Variants in CLCNKB observed in about 807,000 individuals in gnomAD.
CLCNKB encodes chloride voltage-gated channel Kb.
CLCNKB carries 74 observed loss-of-function variants against 83.8 expected under a neutral mutation model. The observed-to-expected ratio is 0.88, with a 90% CI of 0.73 to 1.07. The LOEUF is 1.07. CLCNKB is among the 50% of genes least tolerant of loss of function. The pLI is 0.00. For missense variants in CLCNKB, 798 were observed against 893.6 expected (o/e 0.89, Z 1.36); for synonymous variants, 358 against 356.6 (o/e 1.00, Z -0.04).
intron 15 of CLCNKB, among the ~76,000 whole-genome samples, chr1:16,053,116 A>T (rs542958121): frequency 6.6e-6 from 1 of 151,880 alleles, no homozygotes; most frequent in Non-Finnish European, 1.5e-5. Flanking sequence ...TGCAACCTCA[A>T]CCTCCCAGGT....
chr1:16,056,290 A>G (rs1362634764), intron 18 of CLCNKB, 132 bp from the exon 19 acceptor site: 2 of 950,112 alleles, frequency 2.1e-6, no homozygotes, highest in East Asian at 2.4e-5. Context: ...TGGACATTGC[A>G]GGCCTGGGTC....
intron 16 of CLCNKB, among the ~76,000 whole-genome samples, chr1:16,055,166 GGGGATCTCAGTGGTGGCCA>G (rs1246400723): frequency 6.6e-6 from 1 of 152,034 alleles, no homozygotes; most frequent in Non-Finnish European, 1.5e-5. Flanking sequence ...TTGCAATGTG[GGGGATCTCAGTGGTGGCCA>G]GGGTCCCTCC....
intron 8 of CLCNKB, 120 bp downstream of exon 8, chr1:16,049,365 T>G: frequency 6.5e-7 from 1 of 1,533,832 alleles, no homozygotes; most frequent in Non-Finnish European, 8.7e-7. Context: ...CTTTTTCCTC[T>G]TCCTTGTTCC....
intron 5 of CLCNKB, 84 bp downstream of exon 5, chr1:16,048,128 G>T (rs2023158370): frequency 5.2e-6 from 8 of 1,527,146 alleles, no homozygotes; most frequent in Non-Finnish European, 7.1e-6. Flanking sequence ...CGAAAGCTGC[G>T]TCAGAGGGGA....
chr1:16,050,427 C>T, intron 10 of CLCNKB, 89 bp from the exon 11 acceptor site: 1 of 1,414,982 alleles, frequency 7.1e-7, no homozygotes, highest in Non-Finnish European at 1.0e-6. Flanking sequence ...GCTCTTCCTC[C>T]CCAGTCCTTG....
At chr1:16,045,764 A>C in intron 3 of CLCNKB, 78 bp downstream of exon 3, 3 of 734,508 alleles carry the variant, frequency 4.1e-6, no homozygotes, top group African/African-American at 1.7e-5. Context: ...GGATGTCGCC[A>C]GGTGCAGCGG....
rs761809836 is a variant in CLCNKB, at chr1:16,048,621, G to A, written c.655+39G>A. The A allele has an allele frequency of 4.3e-6, 7 of 1,611,634 alleles. No homozygotes were observed. In the Admixed American group the frequency reaches 1.0e-4, roughly 23 times the overall value. ...ATGCCCCGCCCCCTGGGTCCCTCAAGCTCCTCCCCTCACACCCTGGGCTCC... is the reference window on the plus strand; with the variant it reads ...ATGCCCCGCCCCCTGGGTCCCTCAAACTCCTCCCCTCACACCCTGGGCTCC... On this transcript the variant is annotated intron_variant, in intron 7 of 19. Transcript: ENST00000375679.
chr1:16,045,679 G>A lies in CLCNKB; in HGVS notation c.222G>A (p.Val74=), dbSNP rs755918269. 3.7e-5 allele frequency: 60 copies of A among 1,613,260 alleles called. No homozygotes were observed. The highest frequency in any genetic ancestry group is 4.7e-5 in the Non-Finnish European group (55 of 1,179,462). ...SCAMDLAVES[V]VRAHQWLYRE... ...CCATGGACTTGGCTGTTGAGAGTGTGGTCCGAGGTAACCCCTCCATGGCAG... is the reference window on the plus strand; with the variant it reads ...CCATGGACTTGGCTGTTGAGAGTGTAGTCCGAGGTAACCCCTCCATGGCAG... Residue 74 remains valine, a synonymous_variant, in exon 3 of 20, where the codon GTG becomes GTA. Coordinates refer to ENST00000375679, the MANE Select transcript of CLCNKB (RefSeq NM_000085.5).
chr1:16,052,108 C>G, intron 14 of CLCNKB, 90 bp from the exon 15 acceptor site: 1 of 1,518,714 alleles, frequency 6.6e-7, no homozygotes, highest in Non-Finnish European at 9.1e-7. Context: ...ACAAATCACA[C>G]CTTAGCCCCT....
At position 16,048,636 on chromosome 1, in the gene CLCNKB, C is replaced by T; in HGVS notation, c.655+54C>T. The T allele has an allele frequency of 6.9e-6, 11 of 1,605,436 alleles. No homozygotes were observed. The South Asian group carries it at 1.2e-4, about 18-fold the overall frequency. On this transcript the variant is annotated intron_variant, in intron 7 of 19. Coordinates refer to ENST00000375679, the MANE Select transcript of CLCNKB (RefSeq NM_000085.5). Reference sequence around the variant, plus strand: ...GGTCCCTCAAGCTCCTCCCCTCACACCCTGGGCTCCTTCGGCCCAGCTGAG... The same window carrying T: ...GGTCCCTCAAGCTCCTCCCCTCACATCCTGGGCTCCTTCGGCCCAGCTGAG...
chr1:16,048,956 TC>T, intron 7 of CLCNKB, 163 bp from the exon 8 acceptor site: 1 of 1,511,204 alleles, frequency 6.6e-7, no homozygotes. Context: ...AGCGGGCTCC[TC>T]CCCGCCCAGG....
In CLCNKB at chr1:16,052,254, T is replaced by G. The variant is rs775075261; in HGVS notation, c.1465T>G (p.Phe489Val). 3.7e-6 allele frequency: 6 copies of G among 1,613,204 alleles called. No homozygotes were observed. In the East Asian group the frequency reaches 1.3e-4, roughly 36 times the overall value. The change falls in exon 15 of 20, where the codon TTC becomes GTC. Residue 489 changes from phenylalanine (F) to valine (V), a missense_variant. Phe to Val is a conservative substitution (Grantham distance 50, BLOSUM62 -1). Transcript: ENST00000375679. ...CACCATCTCCACGGCGCTGCTGGCC[T>G]TCGAGGTGACCGGCCAGATAGTGCA... ...THTISTALLA[F>V]EVTGQIVHAL...
Position 16,053,747 on chromosome 1 carries a change from C to T in CLCNKB, c.1731C>T (p.Ala577=), listed in dbSNP as rs771092481. 1.2e-6 allele frequency: 2 copies of T among 1,613,830 alleles called. No individual in the cohort carries two copies. The highest frequency in any genetic ancestry group is 4.5e-5 in the East Asian group (2 of 44,864). Residue 577 remains alanine, a synonymous_variant, in exon 16 of 20, where the codon GCC becomes GCT. Coordinates refer to ENST00000375679, the MANE Select transcript of CLCNKB (RefSeq NM_000085.5). ...VVKVVTSTDV[A]KYPLVESTES... The stretch of plus-strand genomic sequence containing the variant: ...AGGTTGTGACCTCCACAGACGTGGC[C>T]AAGTATCCCCTGGTGGAGAGCACAG...
At chr1:16,046,503 T>A (rs750440346) in intron 3 of CLCNKB, 32 bp from the exon 4 acceptor site, 1 of 1,612,542 alleles carries the variant, frequency 6.2e-7, no homozygotes, top group East Asian at 2.2e-5. Flanking sequence ...GCAGAGGCTG[T>A]GGGTGCCTCC....
At chr1:16,048,802 C>G in intron 7 of CLCNKB, 1 of 1,446,530 alleles carries the variant, frequency 6.9e-7, no homozygotes, top group South Asian at 1.5e-5. Flanking sequence ...ATTATACAGA[C>G]TTGGGTTTGA....
At chr1:16,048,832 C>T in intron 7 of CLCNKB, 1 of 1,442,058 alleles carries the variant, frequency 6.9e-7, no homozygotes, top group East Asian at 2.5e-5. Context: ...ATGACCCTGG[C>T]CCGTTGGCCT....
chr1:16,050,811 C>A, intron 11 of CLCNKB, 64 bp from the exon 12 acceptor site: 1 of 1,605,082 alleles, frequency 6.2e-7, no homozygotes, highest in Non-Finnish European at 8.5e-7. Context: ...TCAGGCGGTG[C>A]GGGGGAGGCT....
Position 16,045,564 on chromosome 1 carries a change from T to C in CLCNKB, c.107T>C (p.Leu36Pro). 1 of 1,613,406 alleles carries C rather than the reference T, an allele frequency of 6.2e-7. No homozygotes were observed. The highest frequency in any genetic ancestry group is 1.7e-4 in the Middle Eastern group (1 of 6,056). Residue 36 changes from leucine to proline, a missense_variant, in exon 3 of 20, where the codon CTG (leucine) becomes CCG (proline). Physicochemically the swap from Leu to Pro is moderately conservative, Grantham distance 98 (BLOSUM62 -3). Transcript: ENST00000375679. ...PRIRRGIRGGLEWLKQKLFRL... is the reference protein window; with the variant it reads ...PRIRRGIRGGPEWLKQKLFRL... ...ACCCCATGCCCTGCCCCAGGTGGCC[T>C]GGAGTGGCTGAAGCAGAAGCTCTTC...
At chr1:16,049,029 T>C (rs1373005460) in intron 7 of CLCNKB, 91 bp from the exon 8 acceptor site, 5 of 1,610,356 alleles carry the variant, frequency 3.1e-6, no homozygotes, top group Non-Finnish European at 3.4e-6. Context: ...GCAGGACAGA[T>C]GGGTCAGGGA....
Sources: allele counts gnomAD v4.1 joint callset (sites outside exome capture counted in the v4.1 genomes callset), GRCh38; gene constraint gnomAD v4.1.1; transcripts MANE v1.5; gene names NCBI Gene and HGNC (gene_info 2026-07-23, HGNC 2026-07-21).